The following NRP1 variants were observed in gnomAD, a reference collection of about 807,000 sequenced individuals.
NRP1 encodes the protein neuropilin 1.
In NRP1, 35 loss-of-function variants were observed where a neutral mutation model predicts 106.7. That is an observed-to-expected ratio of 0.33 (90% CI 0.25 to 0.43). The LOEUF is 0.43. NRP1 is among the 20% of genes least tolerant of loss of function. NRP1 has a pLI of 1.00. For missense variants in NRP1, 1,024 were observed against 1,170.4 expected (o/e 0.87, Z 1.83); for synonymous variants, 437 against 417.9 (o/e 1.05, Z -0.56).
intron 16 of NRP1, among the ~76,000 whole-genome samples, chr10:33,181,212 T>G (rs901060910): frequency 1.3e-5 from 2 of 152,366 alleles, no homozygotes; most frequent in African/African-American, 4.8e-5. Flanking sequence ...TGGGGTTTAC[T>G]TAATGGTGTT....
rs555525567 is a variant in NRP1 at position 33,269,015 on chromosome 10, C to A, written c.430+1660G>T. On this transcript the variant is annotated intron_variant, in intron 3 of 16. Coordinates refer to ENST00000374867, the MANE Select transcript of NRP1 (RefSeq NM_003873.7). ...CAACAACTCCCCTTTACATTTTTCTCAGTTATCATGAACCCAGAAGACCGA... is the reference window on the plus strand; with the variant it reads ...CAACAACTCCCCTTTACATTTTTCTAAGTTATCATGAACCCAGAAGACCGA... Among the ~76,000 whole-genome samples, 107 of 152,278 alleles carry A rather than the reference C, an allele frequency of 7.0e-4. 1 individual carries two copies. Among genetic ancestry groups the A allele is most frequent in the African/African-American group, 2.6e-3 (107 of 41,572 alleles).
chr10:33,322,108 G>A (rs994359729), intron 2 of NRP1, among the ~76,000 whole-genome samples: 1 of 152,138 alleles, frequency 6.6e-6, no homozygotes, highest in Non-Finnish European at 1.5e-5. Flanking sequence ...ATTTACCTGA[G>A]ATTAAGTAGA....
At chr10:33,283,432 T>G (rs1284693465) in intron 2 of NRP1, among the ~76,000 whole-genome samples, 1 of 152,240 alleles carries the variant, frequency 6.6e-6, no homozygotes, top group Non-Finnish European at 1.5e-5. Flanking sequence ...CTTACTATTC[T>G]GCCAAATATC....
intron 6 of NRP1, among the ~76,000 whole-genome samples, chr10:33,242,780 T>A (rs1489479953): frequency 6.6e-6 from 1 of 152,208 alleles, no homozygotes; most frequent in Non-Finnish European, 1.5e-5. Context: ...TGAGATGGGA[T>A]CTACCTGCAT....
chr10:33,203,640 T>C (rs1296366806), intron 10 of NRP1, among the ~76,000 whole-genome samples: 1 of 151,638 alleles, frequency 6.6e-6, no homozygotes, highest in Non-Finnish European at 1.5e-5. Flanking sequence ...TGAACTCTCA[T>C]AGGACTGCAT....
chr10:33,260,560 G>A (rs2133221994), intron 4 of NRP1, among the ~76,000 whole-genome samples: 1 of 152,160 alleles, frequency 6.6e-6, no homozygotes, highest in South Asian at 2.1e-4. Flanking sequence ...TTCACTTCAG[G>A]CCCCATCATC....
At chr10:33,186,633 C>T in intron 13 of NRP1, 145 bp from the exon 14 acceptor site, 1 of 918,996 alleles carries the variant, frequency 1.1e-6, no homozygotes, top group Non-Finnish European at 1.6e-6. Context: ...AGTGTGCACA[C>T]TTGGGGACCT....
intron 8 of NRP1, 174 bp from the exon 9 acceptor site, chr10:33,213,891 C>G (rs1261806717): frequency 1.0e-5 from 6 of 593,814 alleles, no homozygotes; most frequent in Non-Finnish European, 1.7e-5. Flanking sequence ...TCCTCCTGCT[C>G]TGTCAGAATT....
chr10:33,232,415 A>G (rs1383510278), intron 6 of NRP1, among the ~76,000 whole-genome samples: 1 of 152,082 alleles, frequency 6.6e-6, no homozygotes, highest in Non-Finnish European at 1.5e-5. Context: ...TCTGAGTTGG[A>G]TATACTTCTG....
intron 2 of NRP1, among the ~76,000 whole-genome samples, chr10:33,275,383 A>G (rs1391766388): frequency 1.3e-5 from 2 of 152,122 alleles, no homozygotes; most frequent in East Asian, 1.9e-4. Context: ...CCTGGCTAAC[A>G]TGGTAAAACC....
chr10:33,315,997 G>T (rs1205542630), intron 2 of NRP1, among the ~76,000 whole-genome samples: 1 of 152,194 alleles, frequency 6.6e-6, no homozygotes, highest in African/African-American at 2.4e-5. Flanking sequence ...GGCCTTATCT[G>T]CCCTTATCTC....
intron 6 of NRP1, among the ~76,000 whole-genome samples, chr10:33,242,085 A>ATAT: frequency 2.0e-5 from 3 of 152,214 alleles, no homozygotes; most frequent in Non-Finnish European, 4.4e-5. Flanking sequence ...TGATAGTCGG[A>ATAT]GCTGAATTTC....
chr10:33,269,796 A>G (rs1229744611), intron 3 of NRP1, among the ~76,000 whole-genome samples: 2 of 152,202 alleles, frequency 1.3e-5, no homozygotes, highest in Non-Finnish European at 2.9e-5. Flanking sequence ...TGTGTGTGCA[A>G]GAAATCCAGG....
intron 2 of NRP1, among the ~76,000 whole-genome samples, chr10:33,283,496 A>C (rs569624260): frequency 6.6e-6 from 1 of 152,374 alleles, no homozygotes; most frequent in South Asian, 2.1e-4. Flanking sequence ...TATAATGAGA[A>C]ATATATCTCT....
At chr10:33,201,444 T>C (rs919065726) in intron 11 of NRP1, 3 of 152,144 alleles carry the variant, frequency 2.0e-5, no homozygotes, top group Non-Finnish European at 4.4e-5. Flanking sequence ...GAAATTTCAC[T>C]ATGGATGTGT....
chr10:33,310,195 C>T (rs1160799599), intron 2 of NRP1, among the ~76,000 whole-genome samples: 1 of 151,066 alleles, frequency 6.6e-6, no homozygotes, highest in Non-Finnish European at 1.5e-5. Context: ...ATGATCTGCC[C>T]GCCTCGGCCT....
chr10:33,264,325 C>T (rs1842772713), intron 3 of NRP1, among the ~76,000 whole-genome samples: 2 of 152,188 alleles, frequency 1.3e-5, no homozygotes, highest in Admixed American at 1.3e-4. Context: ...CAGATTCCTA[C>T]ACCAGTGACT....
intron 2 of NRP1, among the ~76,000 whole-genome samples, chr10:33,328,346 G>A (rs1256999643): frequency 3.3e-5 from 5 of 151,176 alleles, no homozygotes; most frequent in Non-Finnish European, 5.9e-5. Context: ...ATTAGTATAC[G>A]CTGATTATTT....
intron 6 of NRP1, among the ~76,000 whole-genome samples, chr10:33,236,256 T>C (rs1224885534): frequency 1.3e-5 from 2 of 152,242 alleles, no homozygotes; most frequent in African/African-American, 2.4e-5. Context: ...AAAATAAGTA[T>C]GCTACAGTTT....
Sources: gnomAD v4.1 joint callset for allele counts (sites outside exome capture counted in the v4.1 genomes callset) on GRCh38, gnomAD v4.1.1 for gene constraint, MANE v1.5 for transcripts, NCBI Gene and HGNC (gene_info 2026-07-23, HGNC 2026-07-21) for gene names.